The following RNF19B variants were observed in gnomAD, a reference collection of about 807,000 sequenced individuals.
RNF19B encodes the protein E3 ubiquitin-protein ligase RNF19B.
A neutral mutation model predicts 65.5 loss-of-function variants in RNF19B; 23 were observed. The ratio of observed to expected loss-of-function variants is 0.35; its 90% confidence interval spans 0.25 to 0.50. The LOEUF (loss-of-function observed/expected upper bound fraction) is 0.50, where lower values mean the gene tolerates loss of function less well. Among genes scored for constraint, RNF19B ranks in the 20% least tolerant of loss-of-function variants. The probability of loss-of-function intolerance (pLI) is 0.98; values close to 1 mark genes in which losing one functional copy is unlikely to be tolerated. For synonymous variants in RNF19B, 372 were observed against 379.6 expected (o/e 0.98, Z 0.23); for missense variants, 794 against 980.0 (o/e 0.81, Z 2.53).
chr1:32,941,473 G>A (rs1182604829), intron 7 of RNF19B, among the ~76,000 whole-genome samples: 2 of 152,164 alleles, frequency 1.3e-5, no homozygotes, highest in Non-Finnish European at 2.9e-5. Context: ...CCAGGAGGTG[G>A]AGGCTGCAGC....
chr1:32,934,594 T>A (rs745715638), downstream of RNF19B, among the ~76,000 whole-genome samples: 1 of 151,828 alleles, frequency 6.6e-6, no homozygotes, highest in Non-Finnish European at 1.5e-5. Context: ...GACTTGAGAA[T>A]CACTTGAACC....
chr1:32,944,814 A>C (rs552148915), intron 5 of RNF19B, among the ~76,000 whole-genome samples: 1 of 151,712 alleles, frequency 6.6e-6, no homozygotes, highest in African/African-American at 2.4e-5. Context: ...TCAGCCTCCC[A>C]AGTAGCTGGG....
At chr1:32,963,791 C>A (rs981364512) in intron 1 of RNF19B, among the ~76,000 whole-genome samples, 5 of 152,108 alleles carry the variant, frequency 3.3e-5, no homozygotes, top group Non-Finnish European at 7.4e-5. Context: ...AACAAAAAAA[C>A]CGCCTCTCCC....
At chr1:32,943,683 T>C (rs1347707502) in intron 6 of RNF19B, among the ~76,000 whole-genome samples, 2 of 152,194 alleles carry the variant, frequency 1.3e-5, no homozygotes, top group Non-Finnish European at 2.9e-5. Flanking sequence ...GAGCTGTTTG[T>C]TGTAAAAAGC....
downstream of RNF19B, among the ~76,000 whole-genome samples, chr1:32,934,591 G>GACA (rs138137878): frequency 5.0e-3 from 759 of 152,166 alleles, 6 homozygotes; most frequent in African/African-American, 0.016. Flanking sequence ...TGAGACTTGA[G>GACA]AATCACTTGA....
chr1:32,942,280 G>C lies in RNF19B; in HGVS notation c.1582C>G (p.Leu528Val), dbSNP rs762453296. 1.2e-6 allele frequency: 2 copies of C among 1,611,870 alleles called. No homozygotes were observed. The highest frequency in any genetic ancestry group is 1.3e-5 in the African/African-American group (1 of 74,902). The change falls in exon 7 of 9, where the codon CTC becomes GTC. Residue 528 changes from leucine to valine, a missense_variant. Transcript: ENST00000235150. ...LSGGTLSGGI[L>V]SSGKGKYSRL... is the part of the protein sequence containing the mutation. The stretch of plus-strand genomic sequence containing the variant: ...CTATATTTTCCCTTGCCACTGGAGA[G>C]AATGCCGCCACTCAGCGTGCCCCCT...
chr1:32,950,334 G>A (rs1557574936), intron 1 of RNF19B, among the ~76,000 whole-genome samples: 2 of 152,154 alleles, frequency 1.3e-5, no homozygotes, highest in South Asian at 4.1e-4. Context: ...TGGAGGTGGA[G>A]TATCTTATTT....
intron 1 of RNF19B, among the ~76,000 whole-genome samples, chr1:32,962,278 T>C (rs1642788535): frequency 6.6e-6 from 1 of 152,204 alleles, no homozygotes; most frequent in Non-Finnish European, 1.5e-5. Context: ...CTGTGTTCTC[T>C]TAATATTCGT....
chr1:32,955,224 CTT>C (rs1176023283), intron 1 of RNF19B, among the ~76,000 whole-genome samples: 1 of 152,048 alleles, frequency 6.6e-6, no homozygotes, highest in African/African-American at 2.4e-5. Flanking sequence ...GAGACCCTCT[CTT>C]GTTTTGGTTG....
At chr1:32,932,606 C>T (rs192417664), downstream of RNF19B, among the ~76,000 whole-genome samples, 8 of 152,332 alleles carry the variant, frequency 5.3e-5, no homozygotes, top group African/African-American at 1.9e-4. Flanking sequence ...TTCACATTGG[C>T]CTGTCCAAGT....
rs142440852 is a variant in RNF19B, at chr1:32,945,297, G to C, written c.1261+217C>G. On this transcript the variant is annotated intron_variant, in intron 5 of 8. Transcript: ENST00000235150. ...CAACCTTTTCTATGTGCCAAATGGA[G>C]TTCTAGGCACTAACTTAAGAACAAA... Among the ~76,000 whole-genome samples the C allele has an allele frequency of 9.0e-4, 137 of 152,296 alleles. 6 individuals are homozygous for C. In the East Asian group the frequency reaches 0.023, roughly 25 times the overall value.
intron 7 of RNF19B, among the ~76,000 whole-genome samples, chr1:32,939,838 A>C (rs1642190834): frequency 6.6e-6 from 1 of 152,234 alleles, no homozygotes; most frequent in Non-Finnish European, 1.5e-5. Flanking sequence ...GGACTGGCTA[A>C]GCTGCAGTTT....
In RNF19B at chr1:32,947,426, G is replaced by A. The variant is rs945229776; in HGVS notation, c.983+796C>T. On this transcript the variant is annotated intron_variant, in intron 3 of 8. Coordinates refer to ENST00000235150, the MANE Select transcript of RNF19B (RefSeq NM_001300826.2). ...TGTAATCCCAGAACTTTGGGAGGCC[G>A]AGGCAGGCGGACCACCTGAGGTTCG... Among the ~76,000 whole-genome samples the A allele has an allele frequency of 1.2e-4, 18 of 152,190 alleles. No individual in the cohort carries two copies. In the East Asian group the frequency reaches 2.5e-3, roughly 21 times the overall value.
At chr1:32,938,249 C>T in intron 8 of RNF19B, 148 bp downstream of exon 8, 1 of 741,990 alleles carries the variant, frequency 1.3e-6, no homozygotes, top group Non-Finnish European at 2.3e-6. Context: ...CACTCAAGTA[C>T]CAAGAACTTG....
intron 1 of RNF19B, among the ~76,000 whole-genome samples, chr1:32,963,017 G>A (rs952556381): frequency 2.6e-5 from 4 of 152,132 alleles, no homozygotes; most frequent in African/African-American, 9.7e-5. Flanking sequence ...CCTACATGGT[G>A]CATTAAAAAG....
chr1:32,941,524 A>T (rs1438485912), intron 7 of RNF19B, among the ~76,000 whole-genome samples: 1 of 151,912 alleles, frequency 6.6e-6, no homozygotes, highest in Non-Finnish European at 1.5e-5. Flanking sequence ...TGGGCGACAG[A>T]GCAAGACTCC....
At chr1:32,964,804 GGCGATAGAAGCCGA>G in exon 1 of RNF19B, 6 of 1,001,436 alleles carry the variant, frequency 6.0e-6, no homozygotes, top group Non-Finnish European at 7.9e-6. This position sits in a 1 kb window ranked among gnomAD's most constrained non-coding sequence, Gnocchi z 6.5. Flanking sequence ...CCGCCCTCCC[GGCGATAGAAGCCGA>G]GCGGCAACGA....
chr1:32,930,562 C>G, the RNF19B span, among the ~76,000 whole-genome samples: 1,188 of 152,200 alleles, frequency 7.8e-3, 6 homozygotes, highest in Non-Finnish European at 0.012. Context: ...CACACACCAC[C>G]ATGCCCAGCT....
At chr1:32,938,286 T>C (rs1400957308) in intron 8 of RNF19B, 111 bp downstream of exon 8, 2 of 1,150,752 alleles carry the variant, frequency 1.7e-6, no homozygotes, top group Non-Finnish European at 2.6e-6. Flanking sequence ...GGTTACACTA[T>C]ATATCCCAGG....
Sources: gnomAD v4.1 joint callset for allele counts (sites outside exome capture counted in the v4.1 genomes callset) on GRCh38, gnomAD v4.1.1 for gene constraint, Gnocchi (gnomAD v3.1) non-coding constraint, MANE v1.5 for transcripts, NCBI Gene and HGNC (gene_info 2026-07-23, HGNC 2026-07-21) for gene names.